The following SLCO1B3 variants were observed in gnomAD, a reference collection of about 807,000 sequenced individuals.
SLCO1B3 encodes solute carrier organic anion transporter family member 1B3.
A neutral mutation model predicts 71.8 loss-of-function variants in SLCO1B3; 72 were observed. The observed-to-expected ratio is 1.00, with a 90% confidence interval of 0.83 to 1.22. The LOEUF is 1.22. Ranked by LOEUF, SLCO1B3 falls within the 50% of genes most tolerant of loss-of-function variation. SLCO1B3 has a pLI of 0.00. For synonymous variants in SLCO1B3, 298 were observed against 278.4 expected (o/e 1.07, Z -0.70); for missense variants, 911 against 819.7 (o/e 1.11, Z -1.36).
intron 3 of SLCO1B3, among the ~76,000 whole-genome samples, chr12:20,848,695 G>A (rs1265619371): frequency 6.6e-6 from 1 of 152,006 alleles, no homozygotes. Context: ...TACATGGAAA[G>A]ACATCCAAAA....
In SLCO1B3 at chr12:20,879,567, C is replaced by A; in HGVS notation, c.1267C>A (p.Leu423Ile). ...TTCGATGATATCCTTCTTGTTTCAA[C>A]TTCTATATTTCCCTCTAATCTGCGA... is the stretch of plus-strand genomic sequence containing the variant. ...LTSMISFLFQ[L>I]LYFPLICESK... The change falls in exon 11 of 16, where the codon CTT (leucine) becomes ATT (isoleucine). Residue 423 changes from leucine to isoleucine, a missense_variant. Leu to Ile is a conservative substitution (Grantham distance 5). Transcript: ENST00000381545. 1 of 1,613,142 alleles carries A rather than the reference C, an allele frequency of 6.2e-7. No homozygotes were observed. Among genetic ancestry groups the A allele is most frequent in the South Asian group, 1.1e-5 (1 of 91,048 alleles).
Position 20,898,537 on chromosome 12 carries a change from A to G in SLCO1B3, c.1747+37A>G, listed in dbSNP as rs549746952. On this transcript the variant is annotated intron_variant, in intron 14 of 15. Coordinates refer to ENST00000381545, the MANE Select transcript of SLCO1B3 (RefSeq NM_019844.4). Reference sequence around the variant, plus strand: ...ATATAGATTATACATTTTAACATATAAATATTAATGTTAAATACTAAAGAC... The same window carrying G: ...ATATAGATTATACATTTTAACATATGAATATTAATGTTAAATACTAAAGAC... 3 of 1,047,142 alleles carry G rather than the reference A, an allele frequency of 2.9e-6. No individual in the cohort carries two copies. The African/African-American group carries it at 4.8e-5, about 17-fold the overall frequency. The allele number at this position is 1,047,142 out of a possible 1,614,324, so 64.9% of individuals were successfully genotyped here.
chr12:20,830,754 C>T (rs1470227509), intron 3 of SLCO1B3, among the ~76,000 whole-genome samples: 1 of 152,076 alleles, frequency 6.6e-6, no homozygotes, highest in African/African-American at 2.4e-5. Flanking sequence ...TGTTTGTTTT[C>T]TGAGCTATCT....
chr12:20,898,338 C>T, intron 13 of SLCO1B3, 98 bp from the exon 14 acceptor site: 2 of 766,154 alleles, frequency 2.6e-6, no homozygotes, highest in South Asian at 3.0e-5. Context: ...AGTATTCATT[C>T]TACCAGGGAG....
chr12:20,864,035 C>G (rs1220996776), intron 8 of SLCO1B3, among the ~76,000 whole-genome samples: 1 of 152,032 alleles, frequency 6.6e-6, no homozygotes, highest in Admixed American at 6.6e-5. Context: ...CCTGTATTCC[C>G]TCTCTTGATG....
At chr12:20,821,279 A>G (rs1864299122) in intron 3 of SLCO1B3, among the ~76,000 whole-genome samples, 1 of 152,168 alleles carries the variant, frequency 6.6e-6, no homozygotes, top group South Asian at 2.1e-4. Flanking sequence ...TGTAGGATGG[A>G]AAAATTGAAA....
intron 15 of SLCO1B3, among the ~76,000 whole-genome samples, chr12:20,904,989 G>C (rs1366866187): frequency 6.6e-6 from 1 of 151,932 alleles, no homozygotes; most frequent in African/African-American, 2.4e-5. Context: ...GGCCAGGCTG[G>C]TCATCCAGGC....
At chr12:20,879,235 G>A (rs1591777153) in intron 10 of SLCO1B3, among the ~76,000 whole-genome samples, 1 of 123,142 alleles carries the variant, frequency 8.1e-6, no homozygotes, top group East Asian at 2.3e-4. Flanking sequence ...TTGAGATGGA[G>A]TCTCGCTCTG....
chr12:20,817,147 G>T (rs542160373), intron 3 of SLCO1B3, among the ~76,000 whole-genome samples: 1 of 152,094 alleles, frequency 6.6e-6, no homozygotes, highest in Non-Finnish European at 1.5e-5. Context: ...CCTACTCTGT[G>T]GGTTGTCTCT....
Position 20,916,168 on chromosome 12 carries a change from G to A in SLCO1B3, c.2030G>A (p.Gly677Asp), listed in dbSNP as rs768942214. The A allele has an allele frequency of 1.2e-6, 2 of 1,612,324 alleles. No homozygotes were observed. Among genetic ancestry groups the A allele is most frequent in the Non-Finnish European group, 1.7e-6 (2 of 1,178,644 alleles). The change falls in exon 16 of 16, where the codon GGT becomes GAT. Residue 677 changes from glycine to aspartate, a missense_variant. Gly to Asp is a moderately conservative substitution (Grantham distance 94). Coordinates refer to ENST00000381545, the MANE Select transcript of SLCO1B3 (RefSeq NM_019844.4). ...GCAAACTTAGAATTCTTAAATAATG[G>A]TGAACATTTTGTACCTTCTGCTGGA... ...DEANLEFLNN[G>D]EHFVPSAGTD... is the part of the protein sequence containing the mutation.
At chr12:20,900,333 CAA>C (rs1794001635) in intron 14 of SLCO1B3, among the ~76,000 whole-genome samples, 1 of 151,512 alleles carries the variant, frequency 6.6e-6, no homozygotes, top group South Asian at 2.1e-4. Flanking sequence ...TTTTTTGTGA[CAA>C]AATAAAATCT....
intron 13 of SLCO1B3, among the ~76,000 whole-genome samples, chr12:20,883,847 A>G (rs1283129722): frequency 1.5e-5 from 1 of 65,874 alleles, no homozygotes; most frequent in East Asian, 4.1e-4. Context: ...TAAGGCACAC[A>G]CTGATTGACA....
At chr12:20,855,203 TTGCATAAGTTGAAAAACAAACTGTTCA>T in intron 4 of SLCO1B3, 34 bp downstream of exon 4, 1 of 1,556,144 alleles carries the variant, frequency 6.4e-7, no homozygotes, top group Non-Finnish European at 8.8e-7. Context: ...ATAACCATAC[TTGCATAAGTTGAAAAACAAACTGTTCA>T]TGCATGCTTT....
chr12:20,831,154 C>G (rs1265309624), intron 3 of SLCO1B3, among the ~76,000 whole-genome samples: 2 of 151,922 alleles, frequency 1.3e-5, no homozygotes, highest in African/African-American at 2.4e-5. Context: ...GTTAGGAGTT[C>G]GAGACCAGCC....
chr12:20,829,648 G>A (rs2121124263), intron 3 of SLCO1B3, among the ~76,000 whole-genome samples: 1 of 152,260 alleles, frequency 6.6e-6, no homozygotes, highest in Middle Eastern at 3.4e-3. Context: ...GCTCAAGAAG[G>A]AATTCAGGGC....
In SLCO1B3 at chr12:20,862,562, A is replaced by T. The variant is rs886049135; in HGVS notation, c.628+4A>T. The T allele has an allele frequency of 3.7e-6, 6 of 1,602,026 alleles. No individual in the cohort carries two copies. Among genetic ancestry groups the T allele is most frequent in the Non-Finnish European group, 5.1e-6 (6 of 1,171,100 alleles). On this transcript the variant is annotated splice_donor_region_variant and intron_variant, in intron 7 of 15. Coordinates refer to ENST00000381545, the MANE Select transcript of SLCO1B3 (RefSeq NM_019844.4). ...GGACATTCTTCCTTGTATTTAGGTA[A>T]CGTACAGAATATATTAAATTTCATG...
intron 3 of SLCO1B3, among the ~76,000 whole-genome samples, chr12:20,850,543 A>G (rs1170477704): frequency 1.3e-5 from 2 of 152,062 alleles, no homozygotes; most frequent in African/African-American, 4.8e-5. Flanking sequence ...CGGCCTCCCA[A>G]AGCGCTGGGA....
chr12:20,904,472 C>A (rs1010761319), intron 15 of SLCO1B3, among the ~76,000 whole-genome samples: 2 of 152,060 alleles, frequency 1.3e-5, no homozygotes, highest in Admixed American at 1.3e-4. Flanking sequence ...AGGCTTTGGG[C>A]AGCTCCACTC....
At chr12:20,850,032 C>CTT (rs71043207) in intron 3 of SLCO1B3, among the ~76,000 whole-genome samples, 2 of 134,186 alleles carry the variant, frequency 1.5e-5, no homozygotes, top group Non-Finnish European at 3.2e-5. Flanking sequence ...TCCCAACAGC[C>CTT]TTTTTTTTTT....
Sources: gnomAD v4.1 joint callset for allele counts (sites outside exome capture counted in the v4.1 genomes callset) on GRCh38, gnomAD v4.1.1 for gene constraint, MANE v1.5 for transcripts, NCBI Gene and HGNC (gene_info 2026-07-23, HGNC 2026-07-21) for gene names.